Variants in KATNIP observed in about 807,000 individuals in gnomAD.
KATNIP encodes katanin-interacting protein.
Under a neutral mutation model 174.0 loss-of-function variants are expected in KATNIP, and 126 were observed. The observed-to-expected ratio is 0.72, with a 90% CI of 0.63 to 0.84. The LOEUF (loss-of-function observed/expected upper bound fraction) is 0.84, where lower values mean the gene tolerates loss of function less well. Ranked by LOEUF, KATNIP falls within the 40% of genes least tolerant of loss-of-function variation. KATNIP has a pLI of 0.00. For synonymous variants in KATNIP, 810 were observed against 835.7 expected (o/e 0.97, Z 0.53); for missense variants, 1,958 against 2,109.7 (o/e 0.93, Z 1.41).
rs1295784611 is a variant in KATNIP at position 27,628,726 on chromosome 16, T to A, written c.206T>A (p.Phe69Tyr). 6.2e-7 allele frequency: 1 copy of A among 1,614,110 alleles called. No individual in the cohort carries two copies. The highest frequency in any genetic ancestry group is 8.5e-7 in the Non-Finnish European group (1 of 1,180,042). Reference sequence around the variant, plus strand: ...AGGCTGGAGCACTTGGAGCAAGGTTTCTCTGTCTATGTCAACGGTGCCAAT... The same window carrying A: ...AGGCTGGAGCACTTGGAGCAAGGTTACTCTGTCTATGTCAACGGTGCCAAT... ...QLRLEHLEQG[F>Y]SVYVNGANSE... is the part of the protein sequence containing the mutation. The change falls in exon 4 of 28, where the codon TTC becomes TAC. Residue 69 changes from phenylalanine to tyrosine, a missense_variant. Transcript: ENST00000261588.
At chr16:27,699,651 C>T in intron 10 of KATNIP, 52 bp downstream of exon 10, 3 of 1,611,536 alleles carry the variant, frequency 1.9e-6, no homozygotes, top group Non-Finnish European at 2.5e-6. Flanking sequence ...TGCGTAGCTC[C>T]CGATGGTGCC....
rs568993375 is a variant in KATNIP at position 27,635,406 on chromosome 16, G to GC, written c.408+4249dup. Among the ~76,000 whole-genome samples, 11 of 152,194 alleles carry GC rather than the reference G, an allele frequency of 7.2e-5. No homozygotes were observed. The South Asian group carries it at 2.3e-3, about 32-fold the overall frequency. ...AGTGTGGGATGGGTACCGAGAGCCGGCCCCCTCCAGTCTAGAGCATGGACT... is the reference window on the plus strand; with the variant it reads ...AGTGTGGGATGGGTACCGAGAGCCGGCCCCCCTCCAGTCTAGAGCATGGACT... On this transcript the variant is annotated intron_variant, in intron 5 of 27. Coordinates refer to ENST00000261588, the MANE Select transcript of KATNIP (RefSeq NM_015202.5).
chr16:27,762,756 G>T (rs1040709143), intron 19 of KATNIP, among the ~76,000 whole-genome samples: 2 of 152,118 alleles, frequency 1.3e-5, no homozygotes, highest in African/African-American at 4.8e-5. Flanking sequence ...AACTGCTCAT[G>T]GGCCCCTCTG....
chr16:27,706,113 C>T lies in KATNIP; in HGVS notation c.1389+2115C>T, dbSNP rs75054580. On this transcript the variant is annotated intron_variant, in intron 12 of 27. Transcript: ENST00000261588. ...GTGGAGCCTGGTCCAGCAGCTCGCA[C>T]TGTGTCTTTCCCCTCTGTCTGCACA... Among the ~76,000 whole-genome samples the T allele has an allele frequency of 2.9e-3, 447 of 151,858 alleles. 7 individuals are homozygous for T. The East Asian group carries it at 0.031, about 11-fold the overall frequency.
At chr16:27,653,179 T>C (rs1195911907) in intron 6 of KATNIP, among the ~76,000 whole-genome samples, 1 of 152,214 alleles carries the variant, frequency 6.6e-6, no homozygotes, top group East Asian at 1.9e-4. Context: ...CCTGTCTCGT[T>C]CCCAGTGAGT....
At chr16:27,698,122 C>G (rs907206830) in intron 8 of KATNIP, among the ~76,000 whole-genome samples, 1 of 151,682 alleles carries the variant, frequency 6.6e-6, no homozygotes, top group African/African-American at 2.4e-5. Flanking sequence ...AGGACCAAGT[C>G]CCCCCAGGGC....
At chr16:27,559,680 C>CA (rs113480942) in intron 1 of KATNIP, among the ~76,000 whole-genome samples, 2,416 of 108,262 alleles carry the variant, frequency 0.022, 53 homozygotes, top group African/African-American at 0.059. Context: ...GACCCTGTCT[C>CA]AAAAAAAAAA....
intron 14 of KATNIP, among the ~76,000 whole-genome samples, chr16:27,723,848 T>C (rs1010667521): frequency 6.6e-6 from 1 of 151,754 alleles, no homozygotes; most frequent in Non-Finnish European, 1.5e-5. Flanking sequence ...CCTGAGCTGC[T>C]TCTTGCTAGT....
intron 10 of KATNIP, chr16:27,701,383 G>A: frequency 2.0e-6 from 1 of 494,258 alleles, no homozygotes; most frequent in Non-Finnish European, 3.7e-6. Flanking sequence ...TGTTTCCTAG[G>A]AGCGCCCTGG....
intron 6 of KATNIP, among the ~76,000 whole-genome samples, chr16:27,655,154 C>T (rs1302958041): frequency 7.8e-6 from 1 of 127,462 alleles, no homozygotes; most frequent in Non-Finnish European, 1.6e-5. Flanking sequence ...ACAAAAACCG[C>T]TGGGCTGCTA....
Position 27,721,547 on chromosome 16 carries a change from T to TG in KATNIP, c.1606-9dup. ...GTGCCTAATGATTTCCTTCTCTTGCTGGCCTTCTAGGGCAAGAAAGACTCC... is the reference window on the plus strand; with the variant it reads ...GTGCCTAATGATTTCCTTCTCTTGCTGGGCCTTCTAGGGCAAGAAAGACTCC... On this transcript the variant is annotated splice_polypyrimidine_tract_variant and intron_variant, in intron 13 of 27. Transcript: ENST00000261588. The TG allele has an allele frequency of 6.2e-7, 1 of 1,614,118 alleles. No homozygotes were observed. The highest frequency in any genetic ancestry group is 1.3e-5 in the African/African-American group (1 of 75,064).
intron 14 of KATNIP, among the ~76,000 whole-genome samples, chr16:27,725,896 G>T (rs972380763): frequency 2.6e-5 from 4 of 151,954 alleles, no homozygotes; most frequent in Non-Finnish European, 5.9e-5. Context: ...ATACAGAAAG[G>T]CACTCGTTAA....
chr16:27,600,879 A>G (rs754884879), intron 2 of KATNIP, among the ~76,000 whole-genome samples: 2 of 151,632 alleles, frequency 1.3e-5, no homozygotes, highest in African/African-American at 2.4e-5. Flanking sequence ...ACAGGCACAC[A>G]CCACCACGCC....
intron 6 of KATNIP, 147 bp downstream of exon 6, chr16:27,648,882 C>T (rs2077041460): frequency 9.9e-7 from 1 of 1,012,390 alleles, no homozygotes; most frequent in East Asian, 2.7e-5. Flanking sequence ...TCATTTCACA[C>T]AGTTTGATGA....
chr16:27,628,608 G>A lies in KATNIP; in HGVS notation c.141-53G>A, dbSNP rs936914912. ...AGTTCACTCCTGGCTTGGGGGTACA[G>A]CAGCCCAGACTCTCAAATGATGAGG... On this transcript the variant is annotated intron_variant, in intron 3 of 27. Transcript: ENST00000261588. The A allele has an allele frequency of 8.8e-6, 14 of 1,583,504 alleles. No homozygotes were observed. The African/African-American group carries it at 1.8e-4, about 20-fold the overall frequency.
Position 27,605,256 on chromosome 16 carries a change from C to G in KATNIP, c.64-13169C>G, listed in dbSNP as rs576381289. ...CCTCAAGATTTTTTAAGTCTTCTATCTTTGTGAGTCTGAAAGATAATTGAT... is the reference window on the plus strand; with the variant it reads ...CCTCAAGATTTTTTAAGTCTTCTATGTTTGTGAGTCTGAAAGATAATTGAT... On this transcript the variant is annotated intron_variant, in intron 2 of 27. Coordinates refer to ENST00000261588, the MANE Select transcript of KATNIP (RefSeq NM_015202.5). Among the ~76,000 whole-genome samples, 19 of 152,252 alleles carry G rather than the reference C, an allele frequency of 1.2e-4. No individual in the cohort carries two copies. In the South Asian group the frequency reaches 3.9e-3, roughly 32 times the overall value.
chr16:27,633,539 G>A (rs151205037), intron 5 of KATNIP, among the ~76,000 whole-genome samples: 215 of 150,706 alleles, frequency 1.4e-3, no homozygotes, highest in African/African-American at 4.6e-3. Context: ...TGATCCTCCT[G>A]CCTCGGCCTC....
At chr16:27,771,702 G>C in intron 22 of KATNIP, 50 bp downstream of exon 22, 1 of 1,581,720 alleles carries the variant, frequency 6.3e-7, no homozygotes, top group Non-Finnish European at 8.7e-7. Context: ...CCGAGGCAGC[G>C]CCTGGGCCGC....
chr16:27,691,978 G>A (rs894760169), intron 8 of KATNIP, among the ~76,000 whole-genome samples: 2 of 152,182 alleles, frequency 1.3e-5, no homozygotes, highest in Admixed American at 6.5e-5. Context: ...TATCTCAGAG[G>A]CCTCTTGTTC....
Sources: gnomAD v4.1 joint callset for allele counts (sites outside exome capture counted in the v4.1 genomes callset) on GRCh38, gnomAD v4.1.1 for gene constraint, MANE v1.5 for transcripts, NCBI Gene and HGNC (gene_info 2026-07-23, HGNC 2026-07-21) for gene names.